ZNF670: variants seen among roughly 807,000 people sequenced by gnomAD.
ZNF670 encodes the protein zinc finger protein 670.
In ZNF670, 7 loss-of-function variants were observed where a neutral mutation model predicts 10.9. The ratio of observed to expected loss-of-function variants is 0.64; its 90% CI spans 0.36 to 1.20. ZNF670 has a LOEUF of 1.20. Ranked by LOEUF, ZNF670 falls within the 50% of genes most tolerant of loss-of-function variation. The pLI is 0.02. For synonymous variants in ZNF670, 136 were observed against 152.7 expected, an observed-to-expected ratio of 0.89 and a Z score of 0.81; for missense variants, 446 against 458.6, an observed-to-expected ratio of 0.97 and a Z score of 0.25.
intron 1 of ZNF670, among the ~76,000 whole-genome samples, chr1:247,063,950 C>G (rs1366185073): frequency 2.0e-5 from 3 of 152,236 alleles, no homozygotes; most frequent in African/African-American, 7.2e-5. Context: ...CAGCCTCACC[C>G]TGCACTGAAG....
At chr1:247,038,779 G>A in intron 3 of ZNF670, 31 bp downstream of exon 3, 1 of 1,565,378 alleles carries the variant, frequency 6.4e-7, no homozygotes, top group Non-Finnish European at 8.8e-7. Context: ...TTCCCTCAAG[G>A]GGCATTTTTG....
At chr1:247,047,884 C>T (rs2103057170) in intron 1 of ZNF670, among the ~76,000 whole-genome samples, 1 of 152,194 alleles carries the variant, frequency 6.6e-6, no homozygotes. Context: ...GCCCTGGGTC[C>T]CGGATCATGA....
rs772562304 is a variant in ZNF670, at chr1:247,037,981, C to T, written c.638G>A (p.Arg213His). 2.5e-5 allele frequency: 40 copies of T among 1,613,150 alleles called. 1 individual carries two copies. The highest frequency in any genetic ancestry group is 1.6e-4 in the South Asian group (15 of 90,914). The change falls in exon 4 of 4, where the codon CGT becomes CAT. Residue 213 changes from arginine to histidine, a missense_variant. By Grantham distance (29) the Arg-to-His change is conservative. Transcript: ENST00000366503. ...DKAFNYSSYL[R>H]EHERTHTGEK... is the part of the protein sequence containing the mutation. ...TCCAGTATGAGTTCTTTCATGTTCA[C>T]GAAGATAACTTGAATAATTGAAGGC...
rs192188772 is a variant in ZNF670 at position 247,063,300 on chromosome 1, G to A, written c.3+15294C>T. On this transcript the variant is annotated intron_variant, in intron 1 of 3. Transcript: ENST00000366503. ...GTGAAAAGGAAACTGAAGGCCAGGCGCGGTGGCTCACGCCTGTAATCCCAG... is the reference window on the plus strand; with the variant it reads ...GTGAAAAGGAAACTGAAGGCCAGGCACGGTGGCTCACGCCTGTAATCCCAG... Among the ~76,000 whole-genome samples, 343 of 152,232 alleles carry A rather than the reference G, an allele frequency of 2.3e-3. 1 individual carries two copies. Among genetic ancestry groups the A allele is most frequent in the African/African-American group, 7.2e-3 (298 of 41,554 alleles).
intron 1 of ZNF670, chr1:247,043,756 C>T (rs763861404): frequency 4.2e-5 from 16 of 384,496 alleles, no homozygotes; most frequent in Middle Eastern, 4.2e-4. Flanking sequence ...TAAAACAGGT[C>T]GCATTTCTGT....
At chr1:247,048,521 G>A in intron 1 of ZNF670, among the ~76,000 whole-genome samples, 1 of 152,134 alleles carries the variant, frequency 6.6e-6, no homozygotes, top group Non-Finnish European at 1.5e-5. Flanking sequence ...ACCTCTGCCT[G>A]TTACCCAGTT....
At position 247,038,276 on chromosome 1, in the gene ZNF670, G is replaced by A; in HGVS notation, c.343C>T (p.His115Tyr). 1 of 1,614,150 alleles carries A rather than the reference G, an allele frequency of 6.2e-7. No homozygotes were observed. Among genetic ancestry groups the A allele is most frequent in the South Asian group, 1.1e-5 (1 of 91,082 alleles). Reference sequence around the variant, plus strand: ...AGGATGTGCCTATGAAGGGCTGAATGACATATGAAGACTTTTCCACACACA... The same window carrying A: ...AGGATGTGCCTATGAAGGGCTGAATAACATATGAAGACTTTTCCACACACA... ...CSVCGKVFIC[H>Y]SALHRHILSH... Residue 115 changes from histidine (H) to tyrosine (Y), a missense_variant, in exon 4 of 4, where the codon CAT (histidine) becomes TAT (tyrosine). By Grantham distance (83) the His-to-Tyr change is moderately conservative. Coordinates refer to ENST00000366503, the MANE Select transcript of ZNF670 (RefSeq NM_033213.5).
intron 1 of ZNF670, among the ~76,000 whole-genome samples, chr1:247,073,462 G>C (rs929818556): frequency 3.9e-5 from 6 of 152,114 alleles, no homozygotes; most frequent in Non-Finnish European, 8.8e-5. Context: ...CATTCCTAGG[G>C]AATGAGTGAA....
At chr1:247,052,812 G>T (rs774009896) in intron 1 of ZNF670, among the ~76,000 whole-genome samples, 4 of 152,150 alleles carry the variant, frequency 2.6e-5, no homozygotes, top group African/African-American at 4.8e-5. Context: ...ACCTGAATAA[G>T]TATTCAGGTT....
chr1:247,070,604 A>G (rs1369100920), intron 1 of ZNF670, among the ~76,000 whole-genome samples: 1 of 152,228 alleles, frequency 6.6e-6, no homozygotes. Context: ...CTCCAAAAGC[A>G]ATCGCAACAA....
chr1:247,061,272 C>T lies in ZNF670; in HGVS notation c.3+17322G>A, dbSNP rs549282621. ...TCTTGGCTCAATGCAACCTCCGCCT[C>T]CTGGGTTCAAGCAATTCTCTGCTTC... On this transcript the variant is annotated intron_variant, in intron 1 of 3. Coordinates refer to ENST00000366503, the MANE Select transcript of ZNF670 (RefSeq NM_033213.5). Among the ~76,000 whole-genome samples, 27 of 151,610 alleles carry T rather than the reference C, an allele frequency of 1.8e-4. 1 individual carries two copies. The South Asian group carries it at 5.2e-3, about 29-fold the overall frequency.
chr1:247,043,455 T>A, intron 1 of ZNF670: 2 of 622,624 alleles, frequency 3.2e-6, no homozygotes, highest in Non-Finnish European at 5.6e-6. Flanking sequence ...AAAAAAAACT[T>A]TGAAGAATAT....
At chr1:247,057,036 G>C (rs112109363) in intron 1 of ZNF670, among the ~76,000 whole-genome samples, 2,188 of 152,162 alleles carry the variant, frequency 0.014, 30 homozygotes, top group Non-Finnish European at 0.02. Flanking sequence ...TGCAGCAAAG[G>C]AAACAATCAA....
chr1:247,069,452 A>T (rs114908582), intron 1 of ZNF670, among the ~76,000 whole-genome samples: 3,449 of 151,106 alleles, frequency 0.023, 354 homozygotes, highest in African/African-American at 0.079. Flanking sequence ...TCAAAAAAAA[A>T]CTAAAAAGAA....
At chr1:247,068,829 C>CA (rs35582452) in intron 1 of ZNF670, among the ~76,000 whole-genome samples, 9,218 of 85,412 alleles carry the variant, frequency 0.11, 1,585 homozygotes, top group African/African-American at 0.35. Context: ...ACTATTTTGC[C>CA]AAAAAAAAAA....
intron 1 of ZNF670, among the ~76,000 whole-genome samples, chr1:247,063,024 T>C (rs957474708): frequency 5.3e-5 from 8 of 152,200 alleles, no homozygotes; most frequent in Non-Finnish European, 1.0e-4. Context: ...CCCAAAGACA[T>C]TCTGATGAAA....
intron 1 of ZNF670, among the ~76,000 whole-genome samples, chr1:247,073,311 T>C (rs1671180801): frequency 6.6e-6 from 1 of 152,150 alleles, no homozygotes; most frequent in Admixed American, 6.5e-5. Flanking sequence ...ATGAACCCTG[T>C]GCTCAGTAGG....
intron 1 of ZNF670, among the ~76,000 whole-genome samples, chr1:247,053,972 C>A (rs931981150): frequency 1.3e-5 from 2 of 152,208 alleles, no homozygotes; most frequent in African/African-American, 4.8e-5. Context: ...CCAACACCAC[C>A]CTTCCTCCAT....
At chr1:247,071,453 C>T (rs904710499) in intron 1 of ZNF670, among the ~76,000 whole-genome samples, 2 of 152,160 alleles carry the variant, frequency 1.3e-5, no homozygotes, top group African/African-American at 4.8e-5. Context: ...GTTAAATAAA[C>T]ACTGGTCATA....
Sources: allele counts gnomAD v4.1 joint callset (sites outside exome capture counted in the v4.1 genomes callset), GRCh38; gene constraint gnomAD v4.1.1; transcripts MANE v1.5; gene names NCBI Gene and HGNC (gene_info 2026-07-23, HGNC 2026-07-21).